Variants in CYYR1 observed in about 807,000 individuals in gnomAD.
The protein encoded by CYYR1 is cysteine and tyrosine rich 1.
In CYYR1, 14 loss-of-function variants were observed where a neutral mutation model predicts 15.2. That is an observed-to-expected ratio of 0.92 (90% CI 0.61 to 1.44). The LOEUF is 1.44. Ranked by LOEUF, CYYR1 falls within the 40% of genes most tolerant of loss-of-function variation. The probability of loss-of-function intolerance (pLI) is 0.00; values close to 1 mark genes in which losing one functional copy is unlikely to be tolerated. For missense variants in CYYR1, 228 were observed against 209.5 expected (o/e 1.09, Z -0.54); for synonymous variants, 80 against 77.4 (o/e 1.03, Z -0.18).
At position 26,564,866 on chromosome 21, in the gene CYYR1, T is replaced by G. The variant is rs890980627; in HGVS notation, c.176+1400A>C. On this transcript the variant is annotated intron_variant, in intron 2 of 3. Transcript: ENST00000652641. The stretch of plus-strand genomic sequence containing the variant: ...AGTTTGAGAAAAAAAAAATTTAAAT[T>G]TATTAATAATATATTTTGTTACTTT... 5.3e-6 allele frequency: 6 copies of G among 1,126,678 alleles called. No homozygotes were observed. In the African/African-American group the frequency reaches 8.0e-5, roughly 15 times the overall value. The allele number at this position is 1,126,678 out of a possible 1,614,324, so 69.8% of individuals were successfully genotyped here. A position where few individuals can be genotyped will look rare whatever the true frequency, so the allele number is the denominator to read the frequency against.
intron 1 of CYYR1, 105 bp from the exon 2 acceptor site, chr21:26,566,473 G>T (rs1980629302): frequency 2.4e-6 from 2 of 821,786 alleles, no homozygotes; most frequent in Non-Finnish European, 4.0e-6. Context: ...ACCCTTTAGT[G>T]GTTTTAAATC....
chr21:26,468,799 T>C (rs984633606), intron 3 of CYYR1, among the ~76,000 whole-genome samples, 165 bp from the exon 4 acceptor site: 1 of 152,190 alleles, frequency 6.6e-6, no homozygotes, highest in African/African-American at 2.4e-5. Context: ...GTAAGTGCTC[T>C]AAAATGTGGT....
intron 2 of CYYR1, among the ~76,000 whole-genome samples, chr21:26,538,389 CTTAAT>C (rs1309782066): frequency 5.9e-5 from 9 of 152,030 alleles, no homozygotes; most frequent in Non-Finnish European, 1.0e-4. Flanking sequence ...TTGGATCTTT[CTTAAT>C]TTAATTTCCA....
chr21:26,573,226 C>G lies in CYYR1; in HGVS notation c.-286G>C, dbSNP rs1981137099. 7.1e-7 allele frequency: 1 copy of G among 1,409,798 alleles called. No homozygotes were observed. Among genetic ancestry groups the G allele is most frequent in the Non-Finnish European group, 9.3e-7 (1 of 1,071,748 alleles). The allele number at this position is 1,409,798 out of a possible 1,614,324, so 87.3% of individuals were successfully genotyped here. ...CTGCGCTCAGGCGCGGGGAAGGCGG[C>G]CACTCCGGCGTCCTTGGCCACCCAG... On this transcript the variant is annotated 5_prime_UTR_variant, in exon 1 of 4. Transcript: ENST00000652641.
intron 2 of CYYR1, among the ~76,000 whole-genome samples, chr21:26,538,285 CTTCCAATCTTTGAGTT>C (rs1197501117): frequency 6.6e-6 from 1 of 152,182 alleles, no homozygotes; most frequent in Non-Finnish European, 1.5e-5. Context: ...TAAAATTCCA[CTTCCAATCTTTGAGTT>C]TTTCGTCTAC....
intron 2 of CYYR1, among the ~76,000 whole-genome samples, chr21:26,487,051 C>T (rs534859328): frequency 2.6e-5 from 4 of 151,934 alleles, no homozygotes; most frequent in South Asian, 2.1e-4. Context: ...AAAGGCCATG[C>T]GGATATTTGA....
At chr21:26,476,307 T>C (rs1369761415) in intron 3 of CYYR1, among the ~76,000 whole-genome samples, 2 of 152,140 alleles carry the variant, frequency 1.3e-5, no homozygotes, top group Non-Finnish European at 2.9e-5. Flanking sequence ...CAAAGGTCCA[T>C]GATCTTTATC....
intron 2 of CYYR1, among the ~76,000 whole-genome samples, chr21:26,538,589 C>G (rs1178877123): frequency 1.3e-5 from 2 of 152,080 alleles, no homozygotes; most frequent in African/African-American, 4.8e-5. Flanking sequence ...CTCTCTATCT[C>G]TATCTTCCAT....
intron 3 of CYYR1, among the ~76,000 whole-genome samples, chr21:26,478,605 G>A (rs544102821): frequency 1.8e-4 from 27 of 152,104 alleles, no homozygotes; most frequent in Non-Finnish European, 3.8e-4. Context: ...ATGGGGAACC[G>A]CTGGAAGATT....
At chr21:26,563,915 A>G (rs575920694) in intron 2 of CYYR1, among the ~76,000 whole-genome samples, 21 of 152,328 alleles carry the variant, frequency 1.4e-4, no homozygotes, top group South Asian at 8.3e-4. Context: ...CATAAACCAA[A>G]TTATAAAAAT....
chr21:26,486,619 AT>A (rs71329836), intron 2 of CYYR1, among the ~76,000 whole-genome samples: 16,375 of 151,526 alleles, frequency 0.11, 1,177 homozygotes, highest in Non-Finnish European at 0.16. Flanking sequence ...AATTTAGCTA[AT>A]TTTTTTTTCT....
At chr21:26,520,119 T>G (rs1166568710) in intron 2 of CYYR1, among the ~76,000 whole-genome samples, 3 of 61,350 alleles carry the variant, frequency 4.9e-5, no homozygotes, top group Non-Finnish European at 7.2e-5. Flanking sequence ...AGGAGATATA[T>G]ATATATATAT....
chr21:26,497,169 A>G (rs2065416643), intron 2 of CYYR1, among the ~76,000 whole-genome samples: 1 of 152,076 alleles, frequency 6.6e-6, no homozygotes, highest in Admixed American at 6.6e-5. Context: ...ACATCCTCAT[A>G]TTTGGTCAGA....
At chr21:26,468,666 G>T in intron 3 of CYYR1, 32 bp from the exon 4 acceptor site, 1 of 1,502,836 alleles carries the variant, frequency 6.7e-7, no homozygotes. Flanking sequence ...ACATCAAGGA[G>T]TTAGCAAATA....
intron 1 of CYYR1, among the ~76,000 whole-genome samples, chr21:26,570,198 T>C (rs1980919112): frequency 6.6e-6 from 1 of 152,168 alleles, no homozygotes; most frequent in South Asian, 2.1e-4. Context: ...AGATAAATAA[T>C]ATTACTTCTA....
chr21:26,497,692 C>T (rs1437694232), intron 2 of CYYR1, among the ~76,000 whole-genome samples: 1 of 152,110 alleles, frequency 6.6e-6, no homozygotes, highest in Non-Finnish European at 1.5e-5. Context: ...ATATGACCCA[C>T]CTTAGAAGGA....
At chr21:26,543,643 C>A (rs1263253457) in intron 2 of CYYR1, among the ~76,000 whole-genome samples, 1 of 152,270 alleles carries the variant, frequency 6.6e-6, no homozygotes, top group South Asian at 2.1e-4. Flanking sequence ...TGGTGGCTCA[C>A]GCCTGTAATC....
At chr21:26,503,713 T>A (rs937367505) in intron 2 of CYYR1, 1 of 152,196 alleles carries the variant, frequency 6.6e-6, no homozygotes, top group African/African-American at 2.4e-5. Flanking sequence ...GTAAGTAATA[T>A]TTTTAAGTCA....
intron 2 of CYYR1, among the ~76,000 whole-genome samples, chr21:26,547,779 C>CTTTTTTTTTT (rs11298777): frequency 1.4e-5 from 2 of 143,416 alleles, no homozygotes; most frequent in Non-Finnish European, 1.5e-5. Context: ...TCTATTTCTA[C>CTTTTTTTTTT]TTTTTTTTTT....
Sources: gnomAD v4.1 joint callset for allele counts (sites outside exome capture counted in the v4.1 genomes callset) on GRCh38, gnomAD v4.1.1 for gene constraint, MANE v1.5 for transcripts, NCBI Gene and HGNC (gene_info 2026-07-23, HGNC 2026-07-21) for gene names.